Variants in CHSY3 observed in about 807,000 individuals in gnomAD.
CHSY3 encodes the protein chondroitin sulfate synthase 3.
Under a neutral mutation model 67.2 loss-of-function variants are expected in CHSY3, and 35 were observed. That is an observed-to-expected ratio of 0.52 (90% CI 0.40 to 0.69). The LOEUF (loss-of-function observed/expected upper bound fraction) is 0.69. Ranked by LOEUF, CHSY3 falls within the 30% of genes least tolerant of loss-of-function variation. The probability of loss-of-function intolerance (pLI) is 0.00; values close to 1 mark genes in which losing one functional copy is unlikely to be tolerated. For missense variants in CHSY3, 1,069 were observed against 1,138.5 expected (o/e 0.94, Z 0.88); for synonymous variants, 474 against 434.7 (o/e 1.09, Z -1.12).
At chr5:129,997,071 T>C (rs889596239) in intron 2 of CHSY3, among the ~76,000 whole-genome samples, 1 of 151,810 alleles carries the variant, frequency 6.6e-6, no homozygotes, top group Non-Finnish European at 1.5e-5. Context: ...CAGAAACTTC[T>C]GATGATGAAG....
Position 129,904,619 on chromosome 5 carries a change from C to A in CHSY3, c.-211C>A. ...TCCCGACCCTTGCTCGGAGCCCCGG[C>A]CCAGAGCTGAGCGGGAGCCCGGCAG... On this transcript the variant is annotated 5_prime_UTR_variant, in exon 1 of 3. Transcript: ENST00000305031. The A allele has an allele frequency of 1.3e-6, 1 of 763,612 alleles. No individual in the cohort carries two copies. Among genetic ancestry groups the A allele is most frequent in the Non-Finnish European group, 1.7e-6 (1 of 572,008 alleles). The allele number at this position is 763,612 out of a possible 1,614,324, so 47.3% of individuals were successfully genotyped here. A position where few individuals can be genotyped will look rare whatever the true frequency, so the allele number is the denominator to read the frequency against.
At chr5:130,115,763 T>C (rs1049429865) in intron 2 of CHSY3, among the ~76,000 whole-genome samples, 13 of 152,196 alleles carry the variant, frequency 8.5e-5, no homozygotes, top group Non-Finnish European at 1.5e-4. Flanking sequence ...CATGTAATCA[T>C]GAGTGCTAAC....
At chr5:129,950,551 G>A (rs988757244) in intron 2 of CHSY3, among the ~76,000 whole-genome samples, 4 of 152,114 alleles carry the variant, frequency 2.6e-5, no homozygotes, top group African/African-American at 9.7e-5. Context: ...TACTGTTAGA[G>A]CTAATAAATA....
chr5:130,131,346 ACTCT>A (rs1372557877), intron 2 of CHSY3, among the ~76,000 whole-genome samples: 1 of 151,850 alleles, frequency 6.6e-6, no homozygotes, highest in Non-Finnish European at 1.5e-5. Flanking sequence ...TAGCCTCCTG[ACTCT>A]CTCTGCTGTT....
intron 2 of CHSY3, chr5:130,140,953 C>A: frequency 1.2e-6 from 1 of 842,410 alleles, no homozygotes; most frequent in Non-Finnish European, 1.4e-6. Context: ...CTTACCTGTT[C>A]CATGGCACTC....
intron 2 of CHSY3, among the ~76,000 whole-genome samples, chr5:129,964,172 A>G (rs1762410127): frequency 6.6e-6 from 1 of 151,902 alleles, no homozygotes; most frequent in East Asian, 1.9e-4. Context: ...AGTTGTTTTT[A>G]GAGAAGAAAC....
chr5:129,911,037 C>A (rs960461236), intron 2 of CHSY3, among the ~76,000 whole-genome samples: 10 of 147,060 alleles, frequency 6.8e-5, no homozygotes, highest in African/African-American at 2.5e-4. Flanking sequence ...AGTTGAGAGT[C>A]CTGTTAAGGT....
chr5:129,917,116 G>A (rs1015914545), intron 2 of CHSY3, among the ~76,000 whole-genome samples: 1 of 152,044 alleles, frequency 6.6e-6, no homozygotes, highest in Admixed American at 6.6e-5. Flanking sequence ...TGTATTTTAA[G>A]TTTAGCACTA....
chr5:130,131,712 C>G (rs1460696611), intron 2 of CHSY3, among the ~76,000 whole-genome samples: 1 of 152,124 alleles, frequency 6.6e-6, no homozygotes, highest in African/African-American at 2.4e-5. Flanking sequence ...TTCAAAGGCC[C>G]TATAGAGTTG....
intron 2 of CHSY3, among the ~76,000 whole-genome samples, chr5:130,034,499 C>A (rs1047049030): frequency 6.6e-6 from 1 of 152,036 alleles, no homozygotes; most frequent in African/African-American, 2.4e-5. Context: ...TAATTGGTTT[C>A]CTTTCAAAAC....
At chr5:129,932,478 T>G (rs918421290) in intron 2 of CHSY3, among the ~76,000 whole-genome samples, 50 of 152,152 alleles carry the variant, frequency 3.3e-4, no homozygotes, top group African/African-American at 1.1e-3. Flanking sequence ...TCTAGACTTG[T>G]GTTTGGCCCA....
At chr5:129,984,616 G>A (rs1255066610) in intron 2 of CHSY3, among the ~76,000 whole-genome samples, 2 of 152,114 alleles carry the variant, frequency 1.3e-5, no homozygotes, top group Non-Finnish European at 2.9e-5. Flanking sequence ...TTTCCAAAGT[G>A]ACTGAGCTAA....
At chr5:130,035,558 G>T (rs1268718752) in intron 2 of CHSY3, among the ~76,000 whole-genome samples, 3 of 152,134 alleles carry the variant, frequency 2.0e-5, no homozygotes, top group African/African-American at 7.2e-5. Context: ...AGCACTGATA[G>T]AGTAAGTAGA....
chr5:129,938,082 C>T (rs994050747), intron 2 of CHSY3, among the ~76,000 whole-genome samples: 7 of 152,196 alleles, frequency 4.6e-5, no homozygotes, highest in African/African-American at 1.7e-4. Flanking sequence ...TCAACTCTTG[C>T]CCTCTGTGCA....
intron 2 of CHSY3, among the ~76,000 whole-genome samples, chr5:130,172,151 G>A (rs915338081): frequency 3.9e-5 from 6 of 151,960 alleles, no homozygotes; most frequent in Non-Finnish European, 5.9e-5. Context: ...TTACAAGAGA[G>A]ATCTTGCCCA....
intron 2 of CHSY3, chr5:130,001,512 C>G: frequency 1.0e-6 from 1 of 961,810 alleles, no homozygotes; most frequent in Non-Finnish European, 1.2e-6. Flanking sequence ...TAGTGAAGGG[C>G]CTGGGATGAG....
At chr5:130,068,416 T>G (rs1765954288) in intron 2 of CHSY3, among the ~76,000 whole-genome samples, 1 of 152,136 alleles carries the variant, frequency 6.6e-6, no homozygotes, top group Non-Finnish European at 1.5e-5. Context: ...GCTGATTTCC[T>G]GTTTGTCAGT....
chr5:129,984,855 T>C (rs781129061), intron 2 of CHSY3, among the ~76,000 whole-genome samples: 2 of 152,010 alleles, frequency 1.3e-5, no homozygotes, highest in African/African-American at 2.4e-5. Context: ...TCTTTGCCCA[T>C]CTTATAAAGT....
intron 2 of CHSY3, among the ~76,000 whole-genome samples, chr5:130,069,997 CTT>C (rs1451044686): frequency 3.9e-5 from 6 of 152,048 alleles, no homozygotes; most frequent in African/African-American, 1.4e-4. Context: ...TTTAACGAAA[CTT>C]ATAAGATATA....
Sources: gnomAD v4.1 joint callset for allele counts (sites outside exome capture counted in the v4.1 genomes callset) on GRCh38, gnomAD v4.1.1 for gene constraint, MANE v1.5 for transcripts, NCBI Gene and HGNC (gene_info 2026-07-23, HGNC 2026-07-21) for gene names.